The following PTP4A3 variants were observed in gnomAD, a reference collection of about 807,000 sequenced individuals.
PTP4A3 encodes the protein protein tyrosine phosphatase type IVA 3.
Under a neutral mutation model 15.2 loss-of-function variants are expected in PTP4A3, and 9 were observed. The ratio of observed to expected loss-of-function variants is 0.59; its 90% CI spans 0.36 to 1.03. PTP4A3 has a LOEUF of 1.03. PTP4A3 is among the 50% of genes least tolerant of loss of function. PTP4A3 has a pLI of 0.02. For synonymous variants in PTP4A3, 95 were observed against 102.0 expected (o/e 0.93, Z 0.41); for missense variants, 234 against 252.1 (o/e 0.93, Z 0.49).
At chr8:141,403,351 G>T (rs966525172) in intron 1 of PTP4A3, among the ~76,000 whole-genome samples, 3 of 152,198 alleles carry the variant, frequency 2.0e-5, no homozygotes, top group Non-Finnish European at 4.4e-5. Flanking sequence ...TCTGGGGGAG[G>T]CTCTGGTCTG....
chr8:141,432,416 C>T lies in PTP4A3; in HGVS notation c.*1372C>T, dbSNP rs1833913399. ...GGTTATTCTCTCCTTTCCTCAAACA[C>T]ATTTGGAACTCAAGTAAATCCAATG... is the stretch of plus-strand genomic sequence containing the variant. On this transcript the variant is annotated 3_prime_UTR_variant, in exon 6 of 6. Coordinates refer to ENST00000521578, the MANE Select transcript of PTP4A3 (RefSeq NM_032611.3). 6.6e-6 allele frequency: 1 copy of T among 152,228 alleles called. No homozygotes were observed. The highest frequency in any genetic ancestry group is 1.5e-5 in the Non-Finnish European group (1 of 68,056). The allele number at this position is 152,228 out of a possible 1,614,324, so 9.4% of individuals were successfully genotyped here. A position where few individuals can be genotyped will look rare whatever the true frequency, so the allele number is the denominator to read the frequency against.
Position 141,422,145 on chromosome 8 carries a change from C to G in PTP4A3, c.-96C>G. ...CTTGGACAAGCACAGGGATCTCGTT[C>G]TCCTCATTTTTTGGGGGTGTGTGGG... is the stretch of plus-strand genomic sequence containing the variant. On this transcript the variant is annotated 5_prime_UTR_variant, in exon 2 of 6. Transcript: ENST00000521578. The G allele has an allele frequency of 8.7e-7, 1 of 1,154,686 alleles. No homozygotes were observed. Among genetic ancestry groups the G allele is most frequent in the Non-Finnish European group, 1.3e-6 (1 of 778,136 alleles). 71.5% of individuals were successfully genotyped at this position (1,154,686 alleles called of 1,614,324 possible).
chr8:141,408,101 G>A, intron 1 of PTP4A3, among the ~76,000 whole-genome samples: 1 of 152,192 alleles, frequency 6.6e-6, no homozygotes, highest in Admixed American at 6.5e-5. Flanking sequence ...AGAAGCGAAA[G>A]GAACCAGGCG....
At chr8:141,430,121 C>T (rs1262608164) in intron 5 of PTP4A3, among the ~76,000 whole-genome samples, 4 of 140,782 alleles carry the variant, frequency 2.8e-5, no homozygotes, top group African/African-American at 2.8e-5. Context: ...GAGCGTACAG[C>T]CCAGGTTTCC....
At chr8:141,414,820 C>T (rs1832976071) in intron 1 of PTP4A3, among the ~76,000 whole-genome samples, 2 of 152,002 alleles carry the variant, frequency 1.3e-5, no homozygotes, top group African/African-American at 4.8e-5. Flanking sequence ...GCCCCCTCAT[C>T]CTTTCCAGGG....
chr8:141,400,107 C>T (rs555057407), intron 1 of PTP4A3, among the ~76,000 whole-genome samples: 17 of 152,290 alleles, frequency 1.1e-4, no homozygotes, highest in Admixed American at 4.6e-4. Flanking sequence ...CCATGTTAGC[C>T]GGGCTGCTTC....
intron 1 of PTP4A3, among the ~76,000 whole-genome samples, chr8:141,405,198 A>T (rs1832692490): frequency 6.6e-6 from 1 of 152,206 alleles, no homozygotes; most frequent in Non-Finnish European, 1.5e-5. Context: ...GTGAGGGAGC[A>T]GCGAGGCTGT....
Position 141,431,331 on chromosome 8 carries a change from C to A in PTP4A3, c.*287C>A. On this transcript the variant is annotated 3_prime_UTR_variant, in exon 6 of 6. Coordinates refer to ENST00000521578, the MANE Select transcript of PTP4A3 (RefSeq NM_032611.3). ...TGGGTCGGGCGCCCTCTGCCCGCCC[C>A]CTCCCACACCAGCCAGGCTGGTCTC... The A allele has an allele frequency of 4.0e-6, 2 of 500,518 alleles. No individual in the cohort carries two copies. Among genetic ancestry groups the A allele is most frequent in the African/African-American group, 1.9e-5 (1 of 51,716 alleles). The allele number at this position is 500,518 out of a possible 1,614,324, so 31.0% of individuals were successfully genotyped here.
intron 1 of PTP4A3, among the ~76,000 whole-genome samples, chr8:141,394,493 C>T (rs2129762519): frequency 6.6e-6 from 1 of 152,326 alleles, no homozygotes; most frequent in East Asian, 1.9e-4. Flanking sequence ...TCCCTGGCAC[C>T]CCTCCCTGCC....
At chr8:141,394,829 G>C (rs1487215204) in intron 1 of PTP4A3, among the ~76,000 whole-genome samples, 1 of 152,260 alleles carries the variant, frequency 6.6e-6, no homozygotes, top group Non-Finnish European at 1.5e-5. Context: ...AGTGGCTGTG[G>C]GCTGCAGGAG....
In PTP4A3 at chr8:141,406,507, C is replaced by A. The variant is rs1053233488; in HGVS notation, c.-854+14423C>A. On this transcript the variant is annotated intron_variant, in intron 1 of 5. Transcript: ENST00000521578. The surrounding 1 kb of genome is among the most constrained non-coding windows in gnomAD (Gnocchi z 4.5). ...AAGTCCTGCCCTCCTGCCTCTGGCC[C>A]TTGCTCAAGCCGCGCCCCCATCTGG... Among the ~76,000 whole-genome samples, 3 of 152,146 alleles carry A rather than the reference C, an allele frequency of 2.0e-5. No individual in the cohort carries two copies. The highest frequency in any genetic ancestry group is 1.3e-4 in the Admixed American group (2 of 15,286).
intron 1 of PTP4A3, among the ~76,000 whole-genome samples, chr8:141,420,578 TCCTGGCCA>T (rs1833284265): frequency 6.6e-6 from 1 of 152,168 alleles, no homozygotes; most frequent in Admixed American, 6.5e-5. Context: ...GTGAACCCAC[TCCTGGCCA>T]CCTGTGCTGT....
Position 141,431,121 on chromosome 8 carries a change from T to A in PTP4A3, c.*77T>A, listed in dbSNP as rs773109645. The A allele has an allele frequency of 7.0e-7, 1 of 1,423,326 alleles. No homozygotes were observed. Among genetic ancestry groups the A allele is most frequent in the African/African-American group, 1.4e-5 (1 of 70,536 alleles). 88.2% of individuals were successfully genotyped at this position (1,423,326 alleles called of 1,614,324 possible). A position where few individuals can be genotyped will look rare whatever the true frequency, so the allele number is the denominator to read the frequency against. ...ACCTGGAGGCCCTGCCCAGCCCTGC[T>A]CTGCCCAGCCCAGCAGGGGCTCCAG... On this transcript the variant is annotated 3_prime_UTR_variant, in exon 6 of 6. Coordinates refer to ENST00000521578, the MANE Select transcript of PTP4A3 (RefSeq NM_032611.3).
intron 1 of PTP4A3, among the ~76,000 whole-genome samples, chr8:141,408,793 C>T (rs1164610376): frequency 2.6e-5 from 4 of 152,170 alleles, no homozygotes; most frequent in East Asian, 1.9e-4. Flanking sequence ...GCTGTGGGGA[C>T]GTCACCAGCT....
At chr8:141,398,860 G>T (rs1832514335) in intron 1 of PTP4A3, among the ~76,000 whole-genome samples, 1 of 152,036 alleles carries the variant, frequency 6.6e-6, no homozygotes, top group South Asian at 2.1e-4. Flanking sequence ...TCCCTCTGGG[G>T]AGCTGCAGGA....
intron 1 of PTP4A3, among the ~76,000 whole-genome samples, chr8:141,400,632 A>G (rs1832567389): frequency 6.6e-6 from 1 of 152,090 alleles, no homozygotes; most frequent in South Asian, 2.1e-4. Context: ...CACCGGGGTG[A>G]GTCTTTCTTG....
intron 1 of PTP4A3, among the ~76,000 whole-genome samples, chr8:141,412,688 C>T (rs1469846851): frequency 6.6e-6 from 1 of 152,256 alleles, no homozygotes; most frequent in Non-Finnish European, 1.5e-5. Context: ...TGAGCCCTCC[C>T]ACAGCGAGCT....
intron 1 of PTP4A3, among the ~76,000 whole-genome samples, chr8:141,402,828 CCTGGCAAGCAT>C (rs1417541871): frequency 1.3e-4 from 19 of 151,914 alleles, no homozygotes; most frequent in African/African-American, 4.6e-4. Flanking sequence ...GGGTTTCGGG[CCTGGCAAGCAT>C]CCCCAGCCTC....
intron 1 of PTP4A3, among the ~76,000 whole-genome samples, chr8:141,401,568 C>G (rs929605693): frequency 7.9e-5 from 12 of 152,180 alleles, no homozygotes; most frequent in African/African-American, 2.9e-4. Context: ...TTGGTAGCCT[C>G]CCTGGGCCGG....
Sources: gnomAD v4.1 joint callset for allele counts (sites outside exome capture counted in the v4.1 genomes callset) on GRCh38, gnomAD v4.1.1 for gene constraint, Gnocchi (gnomAD v3.1) non-coding constraint, MANE v1.5 for transcripts, NCBI Gene and HGNC (gene_info 2026-07-23, HGNC 2026-07-21) for gene names.